PELI2: variants seen among roughly 807,000 people sequenced by gnomAD.
PELI2 encodes E3 ubiquitin-protein ligase pellino homolog 2.
PELI2 carries 23 observed loss-of-function variants against 42.3 expected under a neutral mutation model. That is an observed-to-expected ratio of 0.54 (90% CI 0.39 to 0.77). The LOEUF is 0.77. PELI2 is among the 30% of genes least tolerant of loss of function. The pLI is 0.00. For missense variants in PELI2, 463 were observed against 553.2 expected (o/e 0.84, Z 1.64); for synonymous variants, 245 against 212.2 (o/e 1.15, Z -1.34).
chr14:56,177,473 C>T lies in PELI2; in HGVS notation c.78-862C>T, dbSNP rs375261769. Among the ~76,000 whole-genome samples, 24 of 152,088 alleles carry T rather than the reference C, an allele frequency of 1.6e-4. 1 individual carries two copies. The highest frequency in any genetic ancestry group is 5.8e-4 in the East Asian group (3 of 5,198). On this transcript the variant is annotated intron_variant, in intron 1 of 5. Transcript: ENST00000267460. The stretch of plus-strand genomic sequence containing the variant: ...TATTTTTTTTCTTGAAAAGAACTTC[C>T]GCCAAGGTGGAAGCAGAGAATAGTT...
intron 2 of PELI2, among the ~76,000 whole-genome samples, chr14:56,251,665 G>T (rs1888349280): frequency 6.6e-6 from 1 of 152,180 alleles, no homozygotes; most frequent in Non-Finnish European, 1.5e-5. Flanking sequence ...TGCAGCCTCT[G>T]CAATTGGTAA....
At chr14:56,240,849 G>A (rs1056705232) in intron 2 of PELI2, among the ~76,000 whole-genome samples, 1 of 142,874 alleles carries the variant, frequency 7.0e-6, no homozygotes, top group Non-Finnish European at 1.6e-5. Flanking sequence ...GCCCCCATCT[G>A]ATTAGACCCA....
chr14:56,290,294 C>T lies in PELI2; in HGVS notation c.534C>T (p.Pro178=), dbSNP rs146968853. ...AAAAGGCAGCAAAGTGGAAAAACCCCGACGGCCACATGGATGGGCTCACTA... is the reference window on the plus strand; with the variant it reads ...AAAAGGCAGCAAAGTGGAAAAACCCTGACGGCCACATGGATGGGCTCACTA... ...LGEKAAKWKN[P]DGHMDGLTTN... Residue 178 remains proline, a synonymous_variant, in exon 5 of 6, where the codon CCC becomes CCT. Coordinates refer to ENST00000267460, the MANE Select transcript of PELI2 (RefSeq NM_021255.3). 29 of 1,598,956 alleles carry T rather than the reference C, an allele frequency of 1.8e-5. No homozygotes were observed. The African/African-American group carries it at 2.7e-4, about 15-fold the overall frequency.
At chr14:56,146,907 G>C (rs1209703240) in intron 1 of PELI2, among the ~76,000 whole-genome samples, 1 of 151,862 alleles carries the variant, frequency 6.6e-6, no homozygotes, top group Admixed American at 6.6e-5. Flanking sequence ...GTCCAGTTCA[G>C]AATACTTTCA....
chr14:56,119,124 GTCGC>G (rs201366795), intron 1 of PELI2: 1,772 of 152,370 alleles, frequency 0.012, 28 homozygotes, highest in African/African-American at 0.041. Flanking sequence ...AGGCGCCGCG[GTCGC>G]GGGCGCTTCG....
intron 2 of PELI2, among the ~76,000 whole-genome samples, chr14:56,182,628 A>G (rs1209208659): frequency 2.6e-5 from 4 of 152,086 alleles, no homozygotes; most frequent in Non-Finnish European, 5.9e-5. Context: ...CGAATGGAAA[A>G]TATTAGTGGT....
intron 2 of PELI2, among the ~76,000 whole-genome samples, chr14:56,247,087 A>G (rs1888188479): frequency 6.6e-6 from 1 of 152,194 alleles, no homozygotes; most frequent in Non-Finnish European, 1.5e-5. Context: ...AATAAATATA[A>G]TGGACCTGTA....
intron 1 of PELI2, among the ~76,000 whole-genome samples, chr14:56,151,209 G>C (rs966319569): frequency 6.6e-6 from 1 of 152,178 alleles, no homozygotes; most frequent in African/African-American, 2.4e-5. Flanking sequence ...TTAATGCCAC[G>C]TGGCCTTTGC....
At chr14:56,153,881 C>T (rs1884456210) in intron 1 of PELI2, among the ~76,000 whole-genome samples, 1 of 152,150 alleles carries the variant, frequency 6.6e-6, no homozygotes, top group Admixed American at 6.5e-5. Context: ...TAGCCTTCTA[C>T]TGAGTATAAA....
chr14:56,250,089 C>T (rs533907982), intron 2 of PELI2, among the ~76,000 whole-genome samples: 6 of 152,184 alleles, frequency 3.9e-5, no homozygotes, highest in Non-Finnish European at 5.9e-5. Context: ...GCTGTATCCT[C>T]TCCCTCTGGT....
At chr14:56,240,562 A>G (rs927590536) in intron 2 of PELI2, among the ~76,000 whole-genome samples, 2 of 151,994 alleles carry the variant, frequency 1.3e-5, no homozygotes, top group African/African-American at 2.4e-5. Flanking sequence ...CAGGAAGACT[A>G]CTCTTTCAAG....
chr14:56,255,339 A>G (rs1280639957), intron 2 of PELI2, among the ~76,000 whole-genome samples: 4 of 152,230 alleles, frequency 2.6e-5, no homozygotes, highest in Admixed American at 2.6e-4. Flanking sequence ...TTTTGCAGGG[A>G]CATGAATGAA....
chr14:56,263,049 C>G (rs1287062304), intron 2 of PELI2, among the ~76,000 whole-genome samples: 2 of 152,084 alleles, frequency 1.3e-5, no homozygotes, highest in African/African-American at 2.4e-5. Flanking sequence ...AACCACCTCC[C>G]AGGTTCAAGC....
intron 2 of PELI2, among the ~76,000 whole-genome samples, chr14:56,246,840 T>C (rs919685976): frequency 6.6e-6 from 1 of 152,242 alleles, no homozygotes; most frequent in African/African-American, 2.4e-5. Context: ...GTGCAATTTT[T>C]CTCATACTTA....
At chr14:56,206,675 T>A (rs1044734984) in intron 2 of PELI2, among the ~76,000 whole-genome samples, 1 of 152,204 alleles carries the variant, frequency 6.6e-6, no homozygotes, top group African/African-American at 2.4e-5. Context: ...CGTGCAGTAT[T>A]CTATGGCTTT....
chr14:56,176,066 C>T (rs1194956650), intron 1 of PELI2, among the ~76,000 whole-genome samples: 1 of 152,184 alleles, frequency 6.6e-6, no homozygotes, highest in Non-Finnish European at 1.5e-5. Flanking sequence ...ATGTTATTGG[C>T]CAGGTTGAGT....
intron 2 of PELI2, among the ~76,000 whole-genome samples, chr14:56,232,736 A>G (rs1000237817): frequency 7.4e-6 from 1 of 134,926 alleles, no homozygotes; most frequent in East Asian, 2.1e-4. Context: ...CCTATTCAAC[A>G]TACTGTTGGA....
At chr14:56,160,054 T>G (rs1884702570) in intron 1 of PELI2, among the ~76,000 whole-genome samples, 1 of 152,094 alleles carries the variant, frequency 6.6e-6, no homozygotes, top group Non-Finnish European at 1.5e-5. Context: ...TTGCATGTTC[T>G]TTTTGTGTGT....
At chr14:56,278,528 T>A (rs1889370953) in intron 2 of PELI2, among the ~76,000 whole-genome samples, 1 of 152,166 alleles carries the variant, frequency 6.6e-6, no homozygotes, top group Non-Finnish European at 1.5e-5. Context: ...CCTGACCATG[T>A]TAAAGAAGTA....
Sources: gnomAD v4.1 joint callset for allele counts (sites outside exome capture counted in the v4.1 genomes callset) on GRCh38, gnomAD v4.1.1 for gene constraint, MANE v1.5 for transcripts, NCBI Gene and HGNC (gene_info 2026-07-23, HGNC 2026-07-21) for gene names.